Variants in NAV1 observed in about 807,000 individuals in gnomAD.
NAV1 encodes the protein neuron navigator 1.
NAV1 carries 18 observed loss-of-function variants against 175.2 expected under a neutral mutation model. That is an observed-to-expected ratio of 0.10 (90% CI 0.07 to 0.15). The LOEUF (loss-of-function observed/expected upper bound fraction) is 0.15, where lower values mean the gene tolerates loss of function less well. Ranked by LOEUF, NAV1 falls within the 10% of genes least tolerant of loss-of-function variation. The pLI, the probability that NAV1 is intolerant of heterozygous loss-of-function variation, is 1.00. For missense variants in NAV1, 1,731 were observed against 2,436.6 expected, an observed-to-expected ratio of 0.71 and a Z score of 6.10; for synonymous variants, 897 against 978.7, an observed-to-expected ratio of 0.92 and a Z score of 1.56.
chr1:201,632,166 C>T (rs1668497127), intron 2 of NAV1, among the ~76,000 whole-genome samples: 1 of 152,172 alleles, frequency 6.6e-6, no homozygotes, highest in South Asian at 2.1e-4. Context: ...CTTTCTCAGC[C>T]TTGTGCCACT....
chr1:201,791,550 C>G (rs139291584), intron 13 of NAV1: 2 of 152,222 alleles, frequency 1.3e-5, no homozygotes, highest in Non-Finnish European at 2.9e-5. Flanking sequence ...ACAGCTGAGC[C>G]GGATCTGCAG....
intron 1 of NAV1, among the ~76,000 whole-genome samples, chr1:201,542,270 G>A (rs546712457): frequency 2.0e-5 from 3 of 152,294 alleles, no homozygotes; most frequent in Admixed American, 2.0e-4. Flanking sequence ...TAGCTAGAGA[G>A]AGGAACAGAA....
At chr1:201,769,631 C>T (rs1432613192) in intron 3 of NAV1, among the ~76,000 whole-genome samples, 3 of 152,116 alleles carry the variant, frequency 2.0e-5, no homozygotes, top group Non-Finnish European at 2.9e-5. Flanking sequence ...GTCTTGGAAC[C>T]TGTTTCCAGT....
At chr1:201,560,499 A>G (rs1666167025) in intron 1 of NAV1, among the ~76,000 whole-genome samples, 1 of 152,174 alleles carries the variant, frequency 6.6e-6, no homozygotes, top group African/African-American at 2.4e-5. Flanking sequence ...GGTGACCAAC[A>G]GGCAAGAGCC....
chr1:201,624,440 T>C (rs1310263288), intron 1 of NAV1, among the ~76,000 whole-genome samples: 1 of 148,212 alleles, frequency 6.7e-6, no homozygotes, highest in Non-Finnish European at 1.5e-5. Context: ...GCCTCCCAGG[T>C]TCACGCCATT....
intron 3 of NAV1, among the ~76,000 whole-genome samples, chr1:201,743,103 T>C (rs925592683): frequency 1.3e-5 from 2 of 152,174 alleles, no homozygotes; most frequent in Non-Finnish European, 2.9e-5. Context: ...ATGAAGAAAC[T>C]GAGGCACAAG....
At chr1:201,643,363 T>C (rs965872605), upstream of NAV1, among the ~76,000 whole-genome samples, 13 of 150,102 alleles carry the variant, frequency 8.7e-5, no homozygotes, top group African/African-American at 3.2e-4. Flanking sequence ...TTCCCTCTCT[T>C]CTTTCTTTCT....
rs76241100 is a variant in NAV1 at position 201,806,890 on chromosome 1, C to A, written c.3649-1063C>A. On this transcript the variant is annotated intron_variant, in intron 17 of 29. Transcript: ENST00000367296. ...CATCACCTGACGGCCTTCCTATGTT[C>A]CAGGAGAGACGCTTAGAAAGCGTAC... Among the ~76,000 whole-genome samples, 597 of 152,302 alleles carry A rather than the reference C, an allele frequency of 3.9e-3. 3 individuals carry two copies. Among genetic ancestry groups the A allele is most frequent in the Non-Finnish European group, 6.8e-3 (465 of 68,026 alleles).
At chr1:201,763,333 G>A (rs1282144799) in intron 3 of NAV1, among the ~76,000 whole-genome samples, 1 of 152,182 alleles carries the variant, frequency 6.6e-6, no homozygotes, top group East Asian at 1.9e-4. Context: ...TGCTCTAGAG[G>A]ACTGCCTTTT....
intron 1 of NAV1, among the ~76,000 whole-genome samples, chr1:201,587,712 A>T (rs1201241309): frequency 6.6e-6 from 1 of 152,214 alleles, no homozygotes; most frequent in Non-Finnish European, 1.5e-5. Context: ...ACAAAAAAGA[A>T]TGCTTAAAAT....
At chr1:201,554,425 A>G (rs758574936) in intron 1 of NAV1, among the ~76,000 whole-genome samples, 46 of 152,192 alleles carry the variant, frequency 3.0e-4, no homozygotes, top group Non-Finnish European at 6.0e-4. Context: ...GGCATTCCAT[A>G]AAGAGGTGTG....
At chr1:201,680,039 C>T (rs1670402059) in intron 1 of NAV1, among the ~76,000 whole-genome samples, 1 of 152,142 alleles carries the variant, frequency 6.6e-6, no homozygotes, top group Non-Finnish European at 1.5e-5. Context: ...TGAGGCTGGC[C>T]AGTTTATAAA....
At chr1:201,635,741 T>A (rs1668602023) in intron 2 of NAV1, among the ~76,000 whole-genome samples, 2 of 152,204 alleles carry the variant, frequency 1.3e-5, no homozygotes, top group African/African-American at 2.4e-5. Flanking sequence ...CTTGGCAGCC[T>A]CTTAGCAGAT....
At chr1:201,544,392 T>A (rs1274435472) in intron 1 of NAV1, among the ~76,000 whole-genome samples, 1 of 152,202 alleles carries the variant, frequency 6.6e-6, no homozygotes, top group East Asian at 1.9e-4. Flanking sequence ...TAAAATCCAT[T>A]TGTAAATAGA....
chr1:201,780,284 T>C, intron 3 of NAV1, 137 bp from the exon 8 acceptor site: 1 of 938,296 alleles, frequency 1.1e-6, no homozygotes, highest in South Asian at 1.8e-5. Flanking sequence ...CTGACAAACC[T>C]AGGACAAACC....
chr1:201,706,691 G>A (rs1671684069), intron 1 of NAV1, among the ~76,000 whole-genome samples: 1 of 152,210 alleles, frequency 6.6e-6, no homozygotes, highest in Non-Finnish European at 1.5e-5. Context: ...GCCACTCACA[G>A]CAGAAGCCAG....
chr1:201,641,615 C>T (rs541599429), intron 2 of NAV1, among the ~76,000 whole-genome samples: 1 of 152,334 alleles, frequency 6.6e-6, no homozygotes. Flanking sequence ...GTGTTGGCAT[C>T]TGCTAGGCAG....
Position 201,813,342 on chromosome 1 carries a change from G to A in NAV1, c.5340+84G>A. 1.1e-6 allele frequency: 1 copy of A among 881,530 alleles called. No individual in the cohort carries two copies. Among genetic ancestry groups the A allele is most frequent in the East Asian group, 2.5e-5 (1 of 40,696 alleles). The allele number at this position is 881,530 out of a possible 1,614,324, so 54.6% of individuals were successfully genotyped here. A position where few individuals can be genotyped will look rare whatever the true frequency, so the allele number is the denominator to read the frequency against. On this transcript the variant is annotated intron_variant, in intron 28 of 29. Coordinates refer to ENST00000367296, the Ensembl canonical transcript of NAV1. This position sits in a 1 kb window ranked among gnomAD's most constrained non-coding sequence, Gnocchi z 4.2. ...GGAATGTTTCTTTAATGTTAGGCAT[G>A]GGACTACTAGGATTAGTTAGGTTCT...
intron 13 of NAV1, 190 bp from the exon 18 acceptor site, chr1:201,793,602 C>T (rs1387853626): frequency 1.8e-6 from 1 of 568,450 alleles, no homozygotes. Flanking sequence ...AGCTGGTTCC[C>T]ACCAGAAAAT....
Sources: allele counts gnomAD v4.1 joint callset (sites outside exome capture counted in the v4.1 genomes callset), GRCh38; gene constraint gnomAD v4.1.1; non-coding constraint Gnocchi (gnomAD v3.1); transcripts MANE v1.5; gene names NCBI Gene and HGNC (gene_info 2026-07-23, HGNC 2026-07-21).